Variants in SHB observed in about 807,000 individuals in gnomAD.
SHB encodes SH2 domain containing adaptor protein B.
In SHB, 20 loss-of-function variants were observed where a neutral mutation model predicts 52.3. The observed-to-expected ratio is 0.38, with a 90% CI of 0.27 to 0.56. The LOEUF is 0.56. Ranked by LOEUF, SHB falls within the 20% of genes least tolerant of loss-of-function variation. The probability of loss-of-function intolerance (pLI) is 0.71; values close to 1 mark genes in which losing one functional copy is unlikely to be tolerated. For missense variants in SHB, 825 were observed against 723.3 expected, an observed-to-expected ratio of 1.14 and a Z score of -1.61; for synonymous variants, 397 against 316.5, an observed-to-expected ratio of 1.25 and a Z score of -2.70.
chr9:38,004,133 C>T (rs1259903761), intron 2 of SHB, among the ~76,000 whole-genome samples: 3 of 152,216 alleles, frequency 2.0e-5, no homozygotes, highest in Non-Finnish European at 2.9e-5. Flanking sequence ...GCCTCTGCTC[C>T]AGGTTTCTTA....
chr9:37,940,711 A>G (rs1021382810), intron 5 of SHB, among the ~76,000 whole-genome samples: 2 of 152,030 alleles, frequency 1.3e-5, no homozygotes, highest in Non-Finnish European at 2.9e-5. Context: ...CAGTATCTCC[A>G]CTTGTTCAAG....
chr9:37,946,209 CCCA>C (rs1832489571), intron 5 of SHB, among the ~76,000 whole-genome samples: 1 of 152,232 alleles, frequency 6.6e-6, no homozygotes, highest in Non-Finnish European at 1.5e-5. Context: ...CTCTACCTTC[CCCA>C]CCAAACACAG....
At chr9:38,064,338 A>G (rs1205074243) in intron 1 of SHB, among the ~76,000 whole-genome samples, 1 of 152,098 alleles carries the variant, frequency 6.6e-6, no homozygotes, top group African/African-American at 2.4e-5. Context: ...GTGGGGTCCA[A>G]CTTCAAGCCC....
At chr9:37,992,904 C>G (rs1820900774) in intron 2 of SHB, among the ~76,000 whole-genome samples, 2 of 152,150 alleles carry the variant, frequency 1.3e-5, no homozygotes. Context: ...CACACAGTCT[C>G]ACACTCTAGG....
chr9:37,992,029 C>T (rs1820888164), intron 2 of SHB, among the ~76,000 whole-genome samples: 1 of 152,210 alleles, frequency 6.6e-6, no homozygotes, highest in Non-Finnish European at 1.5e-5. Context: ...TACAACATAT[C>T]ACTTCACTAG....
chr9:37,922,894 T>A (rs977338077), intron 5 of SHB, among the ~76,000 whole-genome samples: 6 of 152,148 alleles, frequency 3.9e-5, no homozygotes, highest in Admixed American at 2.0e-4. Flanking sequence ...ATTCCACATG[T>A]GCAAAACATA....
chr9:37,992,410 A>G (rs953483539), intron 2 of SHB, among the ~76,000 whole-genome samples: 39 of 152,328 alleles, frequency 2.6e-4, no homozygotes, highest in Admixed American at 2.4e-3. Context: ...TCAAAAAAAT[A>G]AAAATAAAAA....
chr9:38,056,012 A>T (rs1422839403), intron 1 of SHB, among the ~76,000 whole-genome samples: 3 of 152,216 alleles, frequency 2.0e-5, no homozygotes, highest in Non-Finnish European at 4.4e-5. Context: ...AGATGTCAGG[A>T]GTTGAATGTG....
intron 5 of SHB, among the ~76,000 whole-genome samples, chr9:37,921,641 C>G (rs570628757): frequency 6.6e-6 from 1 of 152,114 alleles, no homozygotes; most frequent in Non-Finnish European, 1.5e-5. Context: ...AATTACAGAG[C>G]CTGTGGCAAG....
intron 1 of SHB, among the ~76,000 whole-genome samples, chr9:38,063,678 G>A (rs762012514): frequency 1.5e-4 from 23 of 152,216 alleles, no homozygotes; most frequent in Admixed American, 2.6e-4. Context: ...GACTAGACCG[G>A]GAGAAGCTGG....
Position 38,068,738 on chromosome 9 carries a change from C to G in SHB, c.-93G>C, listed in dbSNP as rs866157426. The G allele has an allele frequency of 2.6e-3, 2,102 of 805,502 alleles. 9 individuals are homozygous for G. The highest frequency in any genetic ancestry group is 2.7e-3 in the Non-Finnish European group (1,722 of 646,210). 49.9% of individuals were successfully genotyped at this position (805,502 alleles called of 1,614,324 possible). ...GCTGCGGCGCAGGTCCCTCGGCGCC[C>G]CGGCCCCGGCGGGGGGCGTCCGGGG... is the stretch of plus-strand genomic sequence containing the variant. On this transcript the variant is annotated 5_prime_UTR_variant, in exon 1 of 6. Coordinates refer to ENST00000377707, the MANE Select transcript of SHB (RefSeq NM_003028.3).
At chr9:38,031,989 A>G (rs1225705697) in intron 1 of SHB, among the ~76,000 whole-genome samples, 1 of 151,936 alleles carries the variant, frequency 6.6e-6, no homozygotes, top group Non-Finnish European at 1.5e-5. Context: ...TTCTCTCTTC[A>G]CCCACTTCTC....
intron 1 of SHB, among the ~76,000 whole-genome samples, chr9:38,016,934 A>T (rs1821221308): frequency 6.6e-6 from 1 of 152,098 alleles, no homozygotes; most frequent in Non-Finnish European, 1.5e-5. Context: ...TCCAACTCAC[A>T]GACAAAGAGT....
chr9:37,930,326 GCC>G (rs1375968374), intron 5 of SHB, among the ~76,000 whole-genome samples: 2 of 152,258 alleles, frequency 1.3e-5, no homozygotes, highest in East Asian at 3.9e-4. Context: ...TACAGCCCCT[GCC>G]CCATGCCTCT....
intron 3 of SHB, among the ~76,000 whole-genome samples, chr9:37,969,893 G>T (rs1820572022): frequency 1.3e-5 from 2 of 152,238 alleles, no homozygotes; most frequent in Admixed American, 6.5e-5. Context: ...CACCTGGCGG[G>T]GGTGGGTTGG....
chr9:37,925,214 G>A (rs997814564), intron 5 of SHB, among the ~76,000 whole-genome samples: 1 of 152,220 alleles, frequency 6.6e-6, no homozygotes, highest in African/African-American at 2.4e-5. Context: ...CCCTCCAGAC[G>A]TAAGCTTCCC....
At chr9:37,994,063 A>G (rs1820917716) in intron 2 of SHB, among the ~76,000 whole-genome samples, 1 of 152,236 alleles carries the variant, frequency 6.6e-6, no homozygotes, top group African/African-American at 2.4e-5. Flanking sequence ...TAATGGAACC[A>G]TAGGCGGCTG....
chr9:38,062,151 G>C (rs1821902701), intron 1 of SHB, among the ~76,000 whole-genome samples: 1 of 152,170 alleles, frequency 6.6e-6, no homozygotes. Flanking sequence ...AAATATCCAA[G>C]CCTCATACTA....
chr9:37,984,843 T>C (rs537698704), intron 2 of SHB, among the ~76,000 whole-genome samples: 1 of 152,262 alleles, frequency 6.6e-6, no homozygotes, highest in Non-Finnish European at 1.5e-5. Context: ...ACCAGGGTGC[T>C]TCAACGTCTG....
Sources: allele counts gnomAD v4.1 joint callset (sites outside exome capture counted in the v4.1 genomes callset), GRCh38; gene constraint gnomAD v4.1.1; transcripts MANE v1.5; gene names NCBI Gene and HGNC (gene_info 2026-07-23, HGNC 2026-07-21).